Variants in COQ5 observed in about 807,000 individuals in gnomAD.
COQ5 encodes coenzyme Q5, methyltransferase, also known as 2-methoxy-6-polyprenyl-1,4-benzoquinol methylase, mitochondrial.
Under a neutral mutation model 40.5 loss-of-function variants are expected in COQ5, and 27 were observed. The observed-to-expected ratio is 0.67, with a 90% CI of 0.49 to 0.92. The LOEUF is 0.92. Ranked by LOEUF, COQ5 falls within the 40% of genes least tolerant of loss-of-function variation. The pLI is 0.00. For synonymous variants in COQ5, 141 were observed against 150.0 expected (o/e 0.94, Z 0.44); for missense variants, 409 against 406.4 (o/e 1.01, Z -0.06).
At chr12:120,513,080 G>A (rs546692588) in intron 3 of COQ5, among the ~76,000 whole-genome samples, 1 of 150,286 alleles carries the variant, frequency 6.7e-6, no homozygotes, top group African/African-American at 2.4e-5. Flanking sequence ...GATTACAGGT[G>A]TGAGCCACAG....
In COQ5 at chr12:120,522,209, A is replaced by G; in HGVS notation, c.352+5T>C. ...GGTAGTGAAGGATACCAAACTCGAC[A>G]TTACCTGTGCCTCCAGCAACATCAA... On this transcript the variant is annotated splice_donor_5th_base_variant and intron_variant, in intron 2 of 6. Coordinates refer to ENST00000288532, the MANE Select transcript of COQ5 (RefSeq NM_032314.4). 6.2e-7 allele frequency: 1 copy of G among 1,614,182 alleles called. No individual in the cohort carries two copies.
intron 2 of COQ5, among the ~76,000 whole-genome samples, chr12:120,520,577 G>A (rs1869599368): frequency 6.6e-6 from 1 of 151,672 alleles, no homozygotes; most frequent in Non-Finnish European, 1.5e-5. Context: ...GACCGCCTCG[G>A]GCTCCCAAAG....
Position 120,503,671 on chromosome 12 carries a change from G to T in COQ5, c.*113C>A. On this transcript the variant is annotated 3_prime_UTR_variant, in exon 7 of 7. Transcript: ENST00000288532. The stretch of plus-strand genomic sequence containing the variant: ...CTGTTCGATTCAAACATGAGTCCAA[G>T]GCACGTATCCTTAAGAGGAGATGCT... 1.3e-6 allele frequency: 1 copy of T among 784,548 alleles called. No individual in the cohort carries two copies. The highest frequency in any genetic ancestry group is 2.2e-6 in the Non-Finnish European group (1 of 446,278). The allele number at this position is 784,548 out of a possible 1,614,324, so 48.6% of individuals were successfully genotyped here. A position where few individuals can be genotyped will look rare whatever the true frequency, so the allele number is the denominator to read the frequency against.
chr12:120,517,814 CT>C (rs960352010), intron 2 of COQ5, among the ~76,000 whole-genome samples: 1 of 148,788 alleles, frequency 6.7e-6, no homozygotes, highest in Non-Finnish European at 1.5e-5. Context: ...TTCTTTCTTT[CT>C]TTTTTTTTGA....
intron 2 of COQ5, 77 bp downstream of exon 2, chr12:120,522,137 A>C: frequency 6.8e-7 from 1 of 1,478,048 alleles, no homozygotes; most frequent in Non-Finnish European, 9.4e-7. Context: ...GTGTTAGGTG[A>C]GCTAGCTCAT....
At position 120,504,965 on chromosome 12, in the gene COQ5, G is replaced by A. The variant is rs533090674; in HGVS notation, c.700C>T (p.Arg234Trp). Residue 234 changes from arginine to tryptophan, a missense_variant, in exon 5 of 7, where the codon CGG becomes TGG. Transcript: ENST00000288532. ...HIDQALQEAH[R>W]VLKPGGRFLC... ...AACCGTCCTCCTGGTTTCAGCACCC[G>A]ATGAGCTTCCTGGAGTGCCTGAGCA... 6.2e-6 allele frequency: 10 copies of A among 1,614,064 alleles called. No homozygotes were observed. In the East Asian group the frequency reaches 8.9e-5, roughly 14 times the overall value.
Position 120,509,165 on chromosome 12 carries a change from C to T in COQ5, c.681+852G>A, listed in dbSNP as rs569701570. 9.1e-4 allele frequency among the ~76,000 whole-genome samples: 139 copies of T among 152,130 alleles called. 1 individual carries two copies. Among genetic ancestry groups the T allele is most frequent in the African/African-American group, 3.1e-3 (129 of 41,514 alleles). ...ACCCAGGCAACCAGAGACCATGTTA[C>T]TGAAATGAAACTCTTTGCCTTGCAC... On this transcript the variant is annotated intron_variant, in intron 4 of 6. Coordinates refer to ENST00000288532, the MANE Select transcript of COQ5 (RefSeq NM_032314.4).
chr12:120,506,371 T>A (rs1358093800), intron 4 of COQ5, among the ~76,000 whole-genome samples: 2 of 145,780 alleles, frequency 1.4e-5, no homozygotes, highest in Non-Finnish European at 3.0e-5. Context: ...TGTTTAAAAT[T>A]TTTTTTTTTT....
intron 3 of COQ5, among the ~76,000 whole-genome samples, chr12:120,513,644 T>G: frequency 6.7e-6 from 1 of 149,810 alleles, no homozygotes; most frequent in East Asian, 2.0e-4. Context: ...CTCAGCCTCC[T>G]GAGTAGCTGG....
Position 120,503,835 on chromosome 12 carries a change from G to T in COQ5, c.933C>A (p.Tyr311Ter). The T allele has an allele frequency of 6.2e-7, 1 of 1,614,042 alleles. No individual in the cohort carries two copies. The highest frequency in any genetic ancestry group is 8.5e-7 in the Non-Finnish European group (1 of 1,179,930). Residue 311 changes from tyrosine (Y) to a stop codon, truncating the protein, a stop_gained, in exon 7 of 7, where the codon TAC becomes TAA. Coordinates refer to ENST00000288532, the MANE Select transcript of COQ5 (RefSeq NM_032314.4). LOFTEE classifies it high-confidence loss of function. ...CCACAATGCCTGATGTTAGACTTTC[G>T]TAAGTCACCTTGTGAAAGCCTGCAT... ...IEDAGFHKVT[Y>*]ESLTSGIVAI...
chr12:120,516,596 T>C lies in COQ5; in HGVS notation c.545A>G (p.Gln182Arg), dbSNP rs2137085828. 1 of 1,614,216 alleles carries C rather than the reference T, an allele frequency of 6.2e-7. No individual in the cohort carries two copies. Among genetic ancestry groups the C allele is most frequent in the Non-Finnish European group, 8.5e-7 (1 of 1,180,038 alleles). Residue 182 changes from glutamine (Q) to arginine (R), a missense_variant, in exon 3 of 7, where the codon CAG becomes CGG. Coordinates refer to ENST00000288532, the MANE Select transcript of COQ5 (RefSeq NM_032314.4). The stretch of plus-strand genomic sequence containing the variant: ...TCTGTATCCTTGAGCCAAGGCTTTC[T>C]GCTTTCCAACCTTTAGCATCTCCTT... ...INKEMLKVGKQKALAQGYRAG... is the reference protein window; with the variant it reads ...INKEMLKVGKRKALAQGYRAG...
intron 3 of COQ5, among the ~76,000 whole-genome samples, chr12:120,515,381 C>T (rs982972309): frequency 2.0e-5 from 3 of 152,212 alleles, no homozygotes; most frequent in Admixed American, 6.5e-5. Context: ...TGAGCCACCT[C>T]GCTGCCACAA....
chr12:120,513,418 C>T (rs1464244692), intron 3 of COQ5, among the ~76,000 whole-genome samples: 1 of 149,628 alleles, frequency 6.7e-6, no homozygotes, highest in Admixed American at 6.7e-5. Flanking sequence ...AAGAGAATGG[C>T]GTGAACCCGG....
At chr12:120,505,240 A>G (rs576595273) in intron 4 of COQ5, among the ~76,000 whole-genome samples, 4 of 152,328 alleles carry the variant, frequency 2.6e-5, no homozygotes, top group African/African-American at 9.6e-5. Flanking sequence ...CAATTGCATG[A>G]AGGGTAAGTT....
chr12:120,511,756 A>C (rs924619781), intron 3 of COQ5, among the ~76,000 whole-genome samples: 1 of 152,216 alleles, frequency 6.6e-6, no homozygotes, highest in Non-Finnish European at 1.5e-5. Flanking sequence ...TAAACACTTG[A>C]CTAAGGTTAT....
chr12:120,504,718 C>A, intron 5 of COQ5, 177 bp downstream of exon 5: 1 of 653,228 alleles, frequency 1.5e-6, no homozygotes, highest in South Asian at 1.7e-5. Context: ...ATATGTAAGC[C>A]AACTTGGGTC....
intron 2 of COQ5, among the ~76,000 whole-genome samples, chr12:120,519,376 T>C (rs1459586692): frequency 6.6e-6 from 1 of 151,942 alleles, no homozygotes; most frequent in Admixed American, 6.6e-5. Context: ...CTGGCCAATA[T>C]AGTAAAACCT....
intron 3 of COQ5, among the ~76,000 whole-genome samples, chr12:120,513,584 G>A (rs146718874): frequency 0.016 from 2,314 of 146,376 alleles, 24 homozygotes; most frequent in South Asian, 0.028. Context: ...CACCCAGTCT[G>A]TAGTGTAGTG....
chr12:120,516,442 C>A, intron 3 of COQ5, 125 bp downstream of exon 3: 1 of 845,836 alleles, frequency 1.2e-6, no homozygotes, highest in Non-Finnish European at 2.0e-6. Flanking sequence ...TGCAAATCAT[C>A]TTCAACCTGC....
Sources: allele counts gnomAD v4.1 joint callset (sites outside exome capture counted in the v4.1 genomes callset), GRCh38; gene constraint gnomAD v4.1.1; transcripts MANE v1.5; gene names NCBI Gene and HGNC (gene_info 2026-07-23, HGNC 2026-07-21).